The following CATSPERG variants were observed in gnomAD, a reference collection of about 807,000 sequenced individuals.
CATSPERG encodes catsper channel auxiliary subunit gamma.
In CATSPERG, 115 loss-of-function variants were observed where a neutral mutation model predicts 145.0. The ratio of observed to expected loss-of-function variants is 0.79; its 90% CI spans 0.68 to 0.93. CATSPERG has a LOEUF of 0.93. Ranked by LOEUF, CATSPERG falls within the 40% of genes least tolerant of loss-of-function variation. CATSPERG has a pLI of 0.00. For synonymous variants in CATSPERG, 588 were observed against 589.0 expected (o/e 1.00, Z 0.02); for missense variants, 1,296 against 1,490.1 (o/e 0.87, Z 2.14).
At chr19:38,346,702 C>A in intron 7 of CATSPERG, 97 bp downstream of exon 7, 1 of 1,149,202 alleles carries the variant, frequency 8.7e-7, no homozygotes, top group South Asian at 1.7e-5. Flanking sequence ...TAGAAGTCCC[C>A]AAAGACATAT....
chr19:38,359,676 AG>A, intron 14 of CATSPERG, 95 bp downstream of exon 14: 2 of 1,492,128 alleles, frequency 1.3e-6, no homozygotes, highest in South Asian at 2.5e-5. Flanking sequence ...AGCCAAGGGA[AG>A]GGGGCACCCT....
chr19:38,358,103 G>A (rs749248077), intron 11 of CATSPERG, 175 bp from the exon 12 acceptor site: 3 of 630,288 alleles, frequency 4.8e-6, no homozygotes, highest in Non-Finnish European at 8.4e-6. Flanking sequence ...GGGCGACAGG[G>A]AGATCCTGTC....
rs533851824 is a variant in CATSPERG, at chr19:38,362,623, A to C, written c.2356+49A>C. 6.2e-6 allele frequency: 10 copies of C among 1,605,096 alleles called. No homozygotes were observed. In the African/African-American group the frequency reaches 1.3e-4, roughly 21 times the overall value. On this transcript the variant is annotated intron_variant, in intron 19 of 28. Coordinates refer to ENST00000409235, the MANE Select transcript of CATSPERG (RefSeq NM_021185.5). ...CCCGAAGGGCGGGGCGAGGGCTACC[A>C]GAATCTGGGAGCCTGGGGGGCGGGG...
At chr19:38,342,453 A>G (rs1969954497) in intron 3 of CATSPERG, among the ~76,000 whole-genome samples, 1 of 151,878 alleles carries the variant, frequency 6.6e-6, no homozygotes, top group South Asian at 2.1e-4. Context: ...TACAAAAATT[A>G]GCTGGGCATG....
chr19:38,337,103 AAGAGCC>A, intron 1 of CATSPERG, 112 bp from the exon 2 acceptor site: 1 of 1,278,326 alleles, frequency 7.8e-7, no homozygotes, highest in Non-Finnish European at 1.1e-6. Context: ...GGCCAGGAGC[AAGAGCC>A]GGGGCGTGGC....
intron 7 of CATSPERG, among the ~76,000 whole-genome samples, chr19:38,350,765 G>T (rs914637734): frequency 6.6e-5 from 10 of 152,312 alleles, no homozygotes; most frequent in African/African-American, 2.4e-4. Flanking sequence ...AAGGTGAGCA[G>T]ATCACTTGAG....
chr19:38,336,080 T>G (rs1222169553), intron 1 of CATSPERG: 6 of 358,062 alleles, frequency 1.7e-5, no homozygotes, highest in African/African-American at 5.4e-5. Context: ...GAGCCGAACG[T>G]GAAGGGCGAA....
At chr19:38,363,890 C>T (rs1410569632) in intron 20 of CATSPERG, among the ~76,000 whole-genome samples, 2 of 152,220 alleles carry the variant, frequency 1.3e-5, no homozygotes, top group Non-Finnish European at 1.5e-5. Context: ...GGCAACCATC[C>T]GATTTCTCAA....
At chr19:38,356,695 G>A in intron 10 of CATSPERG, 47 bp from the exon 11 acceptor site, 1 of 1,610,522 alleles carries the variant, frequency 6.2e-7, no homozygotes, top group Non-Finnish European at 8.5e-7. Flanking sequence ...ACAGGACCAA[G>A]GCTATTGAGC....
intron 13 of CATSPERG, among the ~76,000 whole-genome samples, chr19:38,358,842 T>A (rs548083990): frequency 6.7e-6 from 1 of 150,056 alleles, no homozygotes; most frequent in East Asian, 2.0e-4. Context: ...GTTTCTAGGG[T>A]TTTTTTTTGT....
At chr19:38,350,985 T>C (rs1034572428) in intron 7 of CATSPERG, among the ~76,000 whole-genome samples, 3 of 151,832 alleles carry the variant, frequency 2.0e-5, no homozygotes, top group African/African-American at 7.3e-5. Context: ...TGAGATCCTA[T>C]CTCAAAAAAC....
At chr19:38,364,248 G>T (rs1282398350) in intron 20 of CATSPERG, among the ~76,000 whole-genome samples, 1 of 152,008 alleles carries the variant, frequency 6.6e-6, no homozygotes. Flanking sequence ...TCTCAGACGG[G>T]GCGGTTGCCA....
intron 8 of CATSPERG, 36 bp downstream of exon 8, chr19:38,352,468 G>A: frequency 6.5e-7 from 1 of 1,548,590 alleles, no homozygotes; most frequent in Non-Finnish European, 8.7e-7. Flanking sequence ...GCCTGGGGAG[G>A]GCACCCTGGT....
rs887097386 is a variant in CATSPERG at position 38,337,240 on chromosome 19, C to G, written c.6C>G (p.Cys2Trp). The G allele has an allele frequency of 6.4e-7, 1 of 1,550,872 alleles. No individual in the cohort carries two copies. Among genetic ancestry groups the G allele is most frequent in the African/African-American group, 1.4e-5 (1 of 73,040 alleles). Residue 2 changes from cysteine (C) to tryptophan (W), a missense_variant, in exon 2 of 29, where the codon TGC (cysteine) becomes TGG (tryptophan). Physicochemically the swap from Cys to Trp is radical, Grantham distance 215. Coordinates refer to ENST00000409235, the MANE Select transcript of CATSPERG (RefSeq NM_021185.5). M[C>W]GPAMFPAGPP... ...CTCCAGGTTCTAGCCACGTTATGTG[C>G]GGCCCAGCCATGTTCCCTGCCGGTC...
intron 7 of CATSPERG, chr19:38,349,607 G>A (rs1033634103): frequency 6.6e-6 from 1 of 152,652 alleles, no homozygotes; most frequent in African/African-American, 2.4e-5. Flanking sequence ...AGAGACCCTG[G>A]AAGGGAATTA....
intron 24 of CATSPERG, 46 bp from the exon 25 acceptor site, chr19:38,367,635 A>G: frequency 6.2e-7 from 1 of 1,611,208 alleles, no homozygotes; most frequent in Non-Finnish European, 8.5e-7. Flanking sequence ...TGGGTGCAGG[A>G]CTCGAGACCC....
chr19:38,344,862 C>T (rs1365972912), intron 6 of CATSPERG, among the ~76,000 whole-genome samples: 3 of 93,302 alleles, frequency 3.2e-5, no homozygotes, highest in Non-Finnish European at 4.3e-5. Context: ...AACAGACACA[C>T]ACACACACAC....
chr19:38,351,117 T>C (rs146851430), intron 7 of CATSPERG, among the ~76,000 whole-genome samples: 1 of 152,246 alleles, frequency 6.6e-6, no homozygotes, highest in Non-Finnish European at 1.5e-5. Flanking sequence ...AGTCACAAGA[T>C]TCCTTCCACT....
rs149594255 is a variant in CATSPERG, at chr19:38,358,285, T to C, written c.1323T>C (p.Asp441=). 3 of 1,614,058 alleles carry C rather than the reference T, an allele frequency of 1.9e-6. No homozygotes were observed. In the African/African-American group the frequency reaches 4.0e-5, roughly 22 times the overall value. Residue 441 remains aspartate (D), a synonymous_variant, in exon 12 of 29, where the codon GAT becomes GAC. Coordinates refer to ENST00000409235, the MANE Select transcript of CATSPERG (RefSeq NM_021185.5). ...TGTTCTCCCCACCTGTAGCTAGTGA[T>C]GACCTGGAACTTCTCTACCACATCC... is the stretch of plus-strand genomic sequence containing the variant. ...FQVVSYNTAS[D]DLELLYHIPE...
Sources: allele counts gnomAD v4.1 joint callset (sites outside exome capture counted in the v4.1 genomes callset), GRCh38; gene constraint gnomAD v4.1.1; transcripts MANE v1.5; gene names NCBI Gene and HGNC (gene_info 2026-07-23, HGNC 2026-07-21).